Variants in TTC14 observed in about 807,000 individuals in gnomAD.
TTC14 encodes tetratricopeptide repeat domain 14, also known as tetratricopeptide repeat protein 14.
Under a neutral mutation model 79.9 loss-of-function variants are expected in TTC14, and 63 were observed. The ratio of observed to expected loss-of-function variants is 0.79; its 90% CI spans 0.64 to 0.97. The LOEUF is 0.97. Among genes scored for constraint, TTC14 ranks in the 50% least tolerant of loss-of-function variants. TTC14 has a pLI of 0.00. For missense variants in TTC14, 895 were observed against 894.0 expected (o/e 1.00, Z -0.01); for synonymous variants, 335 against 309.6 (o/e 1.08, Z -0.86).
chr3:180,609,040 G>T, intron 11 of TTC14: 1 of 1,000,492 alleles, frequency 1.0e-6, no homozygotes, highest in Admixed American at 5.3e-5. Flanking sequence ...TTAAAATATA[G>T]AATAAGTTAC....
downstream of TTC14, among the ~76,000 whole-genome samples, chr3:180,612,262 T>A (rs1483966000): frequency 1.3e-5 from 2 of 152,152 alleles, no homozygotes; most frequent in African/African-American, 4.8e-5. Context: ...TTTAAAAAAT[T>A]TTTTTTTCCT....
intron 10 of TTC14, chr3:180,608,079 A>G (rs1716789961): frequency 9.6e-7 from 1 of 1,045,694 alleles, no homozygotes; most frequent in South Asian, 3.8e-5. Flanking sequence ...AATTATAAAA[A>G]CCTTTTTGAG....
At chr3:180,615,055 A>T, downstream of TTC14, 1 of 1,547,824 alleles carries the variant, frequency 6.5e-7, no homozygotes, top group African/African-American at 1.4e-5. Flanking sequence ...TGAGAAGTAG[A>T]TGTACTTGTA....
At chr3:180,607,583 C>T in intron 9 of TTC14, 65 bp from the exon 10 acceptor site, 1 of 1,533,344 alleles carries the variant, frequency 6.5e-7, no homozygotes, top group Non-Finnish European at 8.7e-7. Context: ...AGCCTTTGAC[C>T]TGTATGCATA....
At chr3:180,614,708 TGTAGCC>T, downstream of TTC14, 4 of 476,086 alleles carry the variant, frequency 8.4e-6, no homozygotes, top group Non-Finnish European at 1.5e-5. Flanking sequence ...TTGTATAACA[TGTAGCC>T]TTGTCAAGAA....
At chr3:180,609,423 G>A (rs1716865333) in intron 11 of TTC14, 3 of 1,259,904 alleles carry the variant, frequency 2.4e-6, no homozygotes, top group African/African-American at 3.1e-5. Flanking sequence ...TGATGGATTT[G>A]CTTACAATGA....
At chr3:180,614,558 A>G (rs1320079232), downstream of TTC14, 1 of 192,968 alleles carries the variant, frequency 5.2e-6, no homozygotes, top group East Asian at 1.7e-4. Context: ...CGCTCATAAT[A>G]GTACAGTAAA....
chr3:180,610,684 T>G lies in TTC14; in HGVS notation c.*142T>G. 1.4e-6 allele frequency: 2 copies of G among 1,401,562 alleles called. No homozygotes were observed. Among genetic ancestry groups the G allele is most frequent in the Non-Finnish European group, 1.8e-6 (2 of 1,082,082 alleles). The allele number at this position is 1,401,562 out of a possible 1,614,324, so 86.8% of individuals were successfully genotyped here. On this transcript the variant is annotated 3_prime_UTR_variant, in exon 12 of 12. Coordinates refer to ENST00000296015, the MANE Select transcript of TTC14 (RefSeq NM_133462.4). ...CAGGAAACAAATGCTTTTAAGTAAG[T>G]TTTTCTCAAATTTTGTTTCAGTTCT...
Position 180,604,843 on chromosome 3 carries a change from T to A in TTC14, c.702-9T>A. ...CATTTTACAATTTTTGTGTTTGTATTTTTTTAAGGAGAAGTGTTGAGCTAA... is the reference window on the plus strand; with the variant it reads ...CATTTTACAATTTTTGTGTTTGTATATTTTTAAGGAGAAGTGTTGAGCTAA... On this transcript the variant is annotated splice_polypyrimidine_tract_variant and intron_variant, in intron 5 of 11. Transcript: ENST00000296015. 6.3e-7 allele frequency: 1 copy of A among 1,589,024 alleles called. No individual in the cohort carries two copies. Among genetic ancestry groups the A allele is most frequent in the Non-Finnish European group, 8.5e-7 (1 of 1,170,884 alleles).
intron 1 of TTC14, 182 bp from the exon 2 acceptor site, chr3:180,602,709 C>T (rs1397552065): frequency 1.0e-5 from 8 of 777,850 alleles, no homozygotes; most frequent in Non-Finnish European, 1.4e-5. Context: ...TTTTAAGTTT[C>T]CCCGCTCTCC....
Position 180,609,073 on chromosome 3 carries a change from A to G in TTC14, c.1400+263A>G. The G allele has an allele frequency of 3.3e-6, 3 of 920,776 alleles. No homozygotes were observed. In the East Asian group the frequency reaches 2.6e-4, roughly 80 times the overall value. The allele number at this position is 920,776 out of a possible 1,614,324, so 57.0% of individuals were successfully genotyped here. A position where few individuals can be genotyped will look rare whatever the true frequency, so the allele number is the denominator to read the frequency against. On this transcript the variant is annotated intron_variant, in intron 11 of 11. Transcript: ENST00000296015. ...TACTTTAATTATGTTTTAGGAAGAA[A>G]TATTTTAGAACTAGAGCAGTGGTTC...
rs915234036 is a variant in TTC14, at chr3:180,602,269, G to T, written c.8G>T (p.Arg3Leu). MD[R>L]DLLRQSLNCH... The stretch of plus-strand genomic sequence containing the variant: ...GCCCTGCATTCTCTAGCCATGGACC[G>T]GGACCTTTTGCGGCAGTCGCTAAAT... Residue 3 changes from arginine to leucine, a missense_variant, in exon 1 of 12, where the codon CGG (arginine) becomes CTG (leucine). Arg to Leu is a moderately radical substitution (Grantham distance 102, BLOSUM62 -2). Transcript: ENST00000296015. 2.5e-6 allele frequency: 4 copies of T among 1,613,882 alleles called. No homozygotes were observed. The highest frequency in any genetic ancestry group is 2.7e-5 in the African/African-American group (2 of 75,066).
At chr3:180,613,902 C>G, downstream of TTC14, 1 of 450,934 alleles carries the variant, frequency 2.2e-6, no homozygotes, top group Non-Finnish European at 4.4e-6. Context: ...GAACTATTCA[C>G]TACCACTACT....
At chr3:180,615,746 C>A (rs1449196359), downstream of TTC14, among the ~76,000 whole-genome samples, 2 of 151,840 alleles carry the variant, frequency 1.3e-5, no homozygotes, top group Non-Finnish European at 2.9e-5. Flanking sequence ...GTCAGCAAAG[C>A]ACAAGAATGT....
chr3:180,604,547 C>A lies in TTC14; in HGVS notation c.641C>A (p.Pro214Gln). The stretch of plus-strand genomic sequence containing the variant: ...TCTCTGTATAGCTCTTCTCTTCCAC[C>A]ACACCTATCTGGTATTAAATTAGGT... Reference protein sequence around the residue: ...AVSLYSSSLPPHLSGIKLGVI... With the variant: ...AVSLYSSSLPQHLSGIKLGVI... Residue 214 changes from proline (P) to glutamine (Q), a missense_variant, in exon 5 of 12, where the codon CCA becomes CAA. Pro to Gln is a moderately conservative substitution (Grantham distance 76, BLOSUM62 -1). Coordinates refer to ENST00000296015, the MANE Select transcript of TTC14 (RefSeq NM_133462.4). 6.2e-7 allele frequency: 1 copy of A among 1,610,242 alleles called. No homozygotes were observed.
At chr3:180,611,612 A>AAAG (rs895055166), downstream of TTC14, among the ~76,000 whole-genome samples, 29 of 152,214 alleles carry the variant, frequency 1.9e-4, no homozygotes, top group Admixed American at 1.4e-3. Context: ...CTTGGATTAT[A>AAAG]AAGATCCTCC....
chr3:180,604,270 G>T lies in TTC14; in HGVS notation c.532G>T (p.Asp178Tyr). ...TGTGCCTTCTCACAGTAACCATGGGGATCCTTTATCATATTACCAAACTGG... is the reference window on the plus strand; with the variant it reads ...TGTGCCTTCTCACAGTAACCATGGGTATCCTTTATCATATTACCAAACTGG... ...RDVPSHSNHG[D>Y]PLSYYQTGDI... Residue 178 changes from aspartate to tyrosine, a missense_variant, in exon 4 of 12, where the codon GAT (aspartate) becomes TAT (tyrosine). Physicochemically the swap from Asp to Tyr is radical, Grantham distance 160 (BLOSUM62 -3). Coordinates refer to ENST00000296015, the MANE Select transcript of TTC14 (RefSeq NM_133462.4). 6.2e-7 allele frequency: 1 copy of T among 1,613,484 alleles called. No individual in the cohort carries two copies. The highest frequency in any genetic ancestry group is 8.5e-7 in the Non-Finnish European group (1 of 1,179,748).
At position 180,603,280 on chromosome 3, in the gene TTC14, T is replaced by C. The variant is rs141980777; in HGVS notation, c.443T>C (p.Leu148Ser). The C allele has an allele frequency of 6.2e-7, 1 of 1,613,958 alleles. No homozygotes were observed. Among genetic ancestry groups the C allele is most frequent in the African/African-American group, 1.3e-5 (1 of 74,906 alleles). Residue 148 changes from leucine to serine, a missense_variant, in exon 3 of 12, where the codon TTA becomes TCA. Leu to Ser is a moderately radical substitution (Grantham distance 145). Transcript: ENST00000296015. ...GGTTTTTTCATGGTGTTGATCTGTT[T>C]AGGAAGTGGTATCATGAGAGATATA... ...EFGFFMVLIC[L>S]GSGIMRDIAH...
At chr3:180,604,640 A>T in intron 5 of TTC14, 33 bp downstream of exon 5, 1 of 1,580,636 alleles carries the variant, frequency 6.3e-7, no homozygotes, top group Non-Finnish European at 8.6e-7. Context: ...ACAACAGTTC[A>T]TTACAAAAGT....
Sources: allele counts gnomAD v4.1 joint callset (sites outside exome capture counted in the v4.1 genomes callset), GRCh38; gene constraint gnomAD v4.1.1; transcripts MANE v1.5; gene names NCBI Gene and HGNC (gene_info 2026-07-23, HGNC 2026-07-21).